Variants in ARHGAP24 observed in about 807,000 individuals in gnomAD.
The protein encoded by ARHGAP24 is rho GTPase-activating protein 24.
In ARHGAP24, 50 loss-of-function variants were observed where a neutral mutation model predicts 76.4. That is an observed-to-expected ratio of 0.65 (90% CI 0.52 to 0.83). ARHGAP24 has a LOEUF of 0.83. ARHGAP24 is among the 40% of genes least tolerant of loss of function. The probability of loss-of-function intolerance (pLI) is 0.00; values close to 1 mark genes in which losing one functional copy is unlikely to be tolerated. For missense variants in ARHGAP24, 930 were observed against 914.2 expected, an observed-to-expected ratio of 1.02 and a Z score of -0.22; for synonymous variants, 345 against 323.3, an observed-to-expected ratio of 1.07 and a Z score of -0.72.
chr4:85,765,164 T>G (rs1453079772), intron 3 of ARHGAP24, among the ~76,000 whole-genome samples: 3 of 152,126 alleles, frequency 2.0e-5, no homozygotes, highest in African/African-American at 7.2e-5. Context: ...ATACACTAGA[T>G]ATGCTACAAA....
intron 3 of ARHGAP24, among the ~76,000 whole-genome samples, chr4:85,779,279 G>A (rs1727430572): frequency 6.6e-6 from 1 of 152,094 alleles, no homozygotes; most frequent in African/African-American, 2.4e-5. Context: ...GCTTGTGTTG[G>A]ATAAAGATAA....
chr4:85,972,052 A>G lies in ARHGAP24; in HGVS notation c.616A>G (p.Thr206Ala), dbSNP rs758245930. The change falls in exon 6 of 10, where the codon ACG becomes GCG. Residue 206 changes from threonine to alanine, a missense_variant. Physicochemically the swap from Thr to Ala is moderately conservative, Grantham distance 58 (BLOSUM62 0). Transcript: ENST00000395184. ...TCTCCACAGCAACACAGATGTACAC[A>G]CGGTGGCATCACTTCTTAAGCTGTA... ...PSFDSNTDVHTVASLLKLYLR... is the reference protein window; with the variant it reads ...PSFDSNTDVHAVASLLKLYLR... 7.4e-6 allele frequency: 12 copies of G among 1,614,070 alleles called. No homozygotes were observed. Among genetic ancestry groups the G allele is most frequent in the Non-Finnish European group, 1.0e-5 (12 of 1,179,988 alleles).
At chr4:85,877,097 T>C (rs2601844) in intron 3 of ARHGAP24, among the ~76,000 whole-genome samples, 147,615 of 152,306 alleles carry the variant, frequency 0.97, 71,722 homozygotes, top group East Asian at 1. Flanking sequence ...ATCTATCTAG[T>C]TATCATCTAT....
intron 9 of ARHGAP24, among the ~76,000 whole-genome samples, chr4:85,997,282 ATAGG>A (rs745600115): frequency 6.7e-4 from 102 of 151,748 alleles, no homozygotes; most frequent in Admixed American, 1.6e-3. Flanking sequence ...AGGTAGGTAA[ATAGG>A]TAGGTAGGTA....
At chr4:85,869,234 G>A (rs902235865) in intron 3 of ARHGAP24, among the ~76,000 whole-genome samples, 2 of 152,050 alleles carry the variant, frequency 1.3e-5, no homozygotes, top group Non-Finnish European at 2.9e-5. Context: ...ACAGTGCTTC[G>A]GTATTCTAAG....
intron 4 of ARHGAP24, among the ~76,000 whole-genome samples, chr4:85,927,336 G>T (rs1055952091): frequency 3.3e-5 from 5 of 152,086 alleles, no homozygotes; most frequent in Non-Finnish European, 2.9e-5. Flanking sequence ...CTGGGATGGG[G>T]GGATGAGGGG....
intron 1 of ARHGAP24, among the ~76,000 whole-genome samples, chr4:85,555,826 C>A (rs1384309473): frequency 2.6e-5 from 4 of 151,998 alleles, no homozygotes; most frequent in African/African-American, 9.7e-5. Context: ...GGACTCAAGC[C>A]AGGGGGCCCT....
At chr4:85,884,009 T>C (rs911865502) in intron 3 of ARHGAP24, among the ~76,000 whole-genome samples, 4 of 152,134 alleles carry the variant, frequency 2.6e-5, no homozygotes, top group African/African-American at 7.2e-5. Flanking sequence ...TGAGGGCAAG[T>C]GTGTGAAAGC....
intron 1 of ARHGAP24, among the ~76,000 whole-genome samples, chr4:85,534,369 A>T (rs1315710486): frequency 6.6e-6 from 1 of 152,188 alleles, no homozygotes. Flanking sequence ...ATTGTAACTA[A>T]CTTCTGTAAG....
intron 1 of ARHGAP24, among the ~76,000 whole-genome samples, chr4:85,551,462 G>T (rs6821419): frequency 0.91 from 139,197 of 152,218 alleles, 64,844 homozygotes; most frequent in East Asian, 1. Flanking sequence ...GCATCTATGT[G>T]CATCAAGGAT....
intron 3 of ARHGAP24, among the ~76,000 whole-genome samples, chr4:85,818,882 G>A (rs1729355316): frequency 1.3e-5 from 2 of 152,180 alleles, no homozygotes; most frequent in Non-Finnish European, 2.9e-5. Context: ...TATTGCCTGT[G>A]ACCACTTCCT....
intron 9 of ARHGAP24, among the ~76,000 whole-genome samples, chr4:85,996,153 ACG>A (rs1370268360): frequency 6.6e-6 from 1 of 152,184 alleles, no homozygotes; most frequent in Non-Finnish European, 1.5e-5. Context: ...TCTGTTCCAG[ACG>A]CTGAGGATTC....
At chr4:85,853,141 C>T (rs1284048453) in intron 3 of ARHGAP24, among the ~76,000 whole-genome samples, 1 of 152,212 alleles carries the variant, frequency 6.6e-6, no homozygotes. Flanking sequence ...CAAGTTCGAG[C>T]TTCCTGGCTG....
At chr4:85,993,536 G>A (rs901076050) in intron 8 of ARHGAP24, among the ~76,000 whole-genome samples, 6 of 152,030 alleles carry the variant, frequency 3.9e-5, no homozygotes, top group African/African-American at 9.7e-5. Context: ...AGGTGTCACC[G>A]GAAGCTAAAG....
intron 2 of ARHGAP24, among the ~76,000 whole-genome samples, chr4:85,612,126 C>T (rs1157923738): frequency 8.7e-6 from 1 of 114,892 alleles, no homozygotes; most frequent in Non-Finnish European, 1.8e-5. Context: ...ACACACAGAC[C>T]AGTGTATAGC....
chr4:85,915,059 T>C (rs983249879), intron 3 of ARHGAP24, among the ~76,000 whole-genome samples: 3 of 152,180 alleles, frequency 2.0e-5, no homozygotes, highest in Non-Finnish European at 4.4e-5. Flanking sequence ...GAAGATTCTA[T>C]CAGAAGAATG....
chr4:85,932,633 G>A (rs1736404801), intron 4 of ARHGAP24, among the ~76,000 whole-genome samples: 1 of 152,096 alleles, frequency 6.6e-6, no homozygotes, highest in African/African-American at 2.4e-5. Context: ...ATCCTCTCCC[G>A]GGGGGCTATT....
chr4:85,872,595 CTTTTTTTTTTT>C (rs5860005), intron 3 of ARHGAP24, among the ~76,000 whole-genome samples: 1 of 73,166 alleles, frequency 1.4e-5, no homozygotes, highest in Non-Finnish European at 2.4e-5. Context: ...TGCATCTGGC[CTTTTTTTTTTT>C]TTTTTTTTTT....
At chr4:85,841,817 TA>T (rs1239019642) in intron 3 of ARHGAP24, among the ~76,000 whole-genome samples, 2 of 152,218 alleles carry the variant, frequency 1.3e-5, no homozygotes, top group Non-Finnish European at 2.9e-5. Context: ...TGGTGGTCTA[TA>T]AAATTCATCA....
Sources: allele counts gnomAD v4.1 joint callset (sites outside exome capture counted in the v4.1 genomes callset), GRCh38; gene constraint gnomAD v4.1.1; transcripts MANE v1.5; gene names NCBI Gene and HGNC (gene_info 2026-07-23, HGNC 2026-07-21).